MAP4: variants seen among roughly 807,000 people sequenced by gnomAD.
MAP4 encodes microtubule-associated protein 4.
Under a neutral mutation model 170.2 loss-of-function variants are expected in MAP4, and 76 were observed. That is an observed-to-expected ratio of 0.45 (90% CI 0.37 to 0.54). The LOEUF (loss-of-function observed/expected upper bound fraction) is 0.54. Among genes scored for constraint, MAP4 ranks in the 20% least tolerant of loss-of-function variants. MAP4 has a pLI of 0.00. For synonymous variants in MAP4, 909 were observed against 994.5 expected (o/e 0.91, Z 1.62); for missense variants, 2,506 against 2,748.0 (o/e 0.91, Z 1.97).
At chr3:48,040,561 G>A (rs1005644587) in intron 1 of MAP4, among the ~76,000 whole-genome samples, 4 of 146,998 alleles carry the variant, frequency 2.7e-5, no homozygotes, top group African/African-American at 7.6e-5. Flanking sequence ...GAGCCACCGC[G>A]CCCAGCCTAT....
chr3:48,044,288 G>A (rs936359493), intron 1 of MAP4, among the ~76,000 whole-genome samples: 7 of 150,648 alleles, frequency 4.6e-5, no homozygotes, highest in African/African-American at 7.3e-5. Flanking sequence ...CCGAGTAGCT[G>A]GGACTACAGG....
chr3:48,078,088 T>C (rs1490956591), intron 1 of MAP4, among the ~76,000 whole-genome samples: 1 of 152,172 alleles, frequency 6.6e-6, no homozygotes, highest in East Asian at 1.9e-4. Flanking sequence ...GTTCTGGACT[T>C]AGATAATGGT....
intron 10 of MAP4, among the ~76,000 whole-genome samples, chr3:47,886,381 G>T (rs573414926): frequency 6.6e-6 from 1 of 152,238 alleles, no homozygotes; most frequent in African/African-American, 2.4e-5. Context: ...GCTCACTGCA[G>T]CCTTGTCCTT....
Position 47,852,717 on chromosome 3 carries a change from TG to T in MAP4, c.*216del. On this transcript the variant is annotated 3_prime_UTR_variant, in exon 21 of 21. Transcript: ENST00000683076. ...AGGAGGTGTGGGGCAGGGCTGCTGC[TG>T]CCCCGGGCACGCAAAGCAGGAGGGA... is the stretch of plus-strand genomic sequence containing the variant. The T allele has an allele frequency of 6.6e-7, 1 of 1,510,046 alleles. No homozygotes were observed. The highest frequency in any genetic ancestry group is 2.5e-5 in the East Asian group (1 of 40,670). 93.5% of individuals were successfully genotyped at this position (1,510,046 alleles called of 1,614,324 possible). A position where few individuals can be genotyped will look rare whatever the true frequency, so the allele number is the denominator to read the frequency against.
chr3:47,960,165 A>G (rs2100070731), intron 3 of MAP4, among the ~76,000 whole-genome samples: 1 of 152,156 alleles, frequency 6.6e-6, no homozygotes, highest in Non-Finnish European at 1.5e-5. Flanking sequence ...GCCCGGGCAG[A>G]GTTATGCCCA....
Position 47,928,341 on chromosome 3 carries a change from G to A in MAP4, c.302C>T (p.Thr101Ile). The A allele has an allele frequency of 6.2e-7, 1 of 1,614,050 alleles. No individual in the cohort carries two copies. Among genetic ancestry groups the A allele is most frequent in the Non-Finnish European group, 8.5e-7 (1 of 1,179,942 alleles). Residue 101 changes from threonine to isoleucine, a missense_variant, in exon 4 of 21, where the codon ACT becomes ATT. Physicochemically the swap from Thr to Ile is moderately conservative, Grantham distance 89. Coordinates refer to ENST00000683076, the MANE Select transcript of MAP4 (RefSeq NM_001385682.1). ...GGCCATTTTCTCTTCAAGGAATTCA[G>A]TTGGAGACCCTTAAAATAGAGACAC... is the stretch of plus-strand genomic sequence containing the variant. ...VEGSDTTGSPTEFLEEKMAYQ... is the reference protein window; with the variant it reads ...VEGSDTTGSPIEFLEEKMAYQ...
At position 47,916,046 on chromosome 3, in the gene MAP4, A is replaced by G. The variant is rs745719549; in HGVS notation, c.1781T>C (p.Ile594Thr). Residue 594 changes from isoleucine (I) to threonine (T), a missense_variant, in exon 7 of 21, where the codon ATT (isoleucine) becomes ACT (threonine). By Grantham distance (89) the Ile-to-Thr change is moderately conservative (BLOSUM62 -1). Around this residue, in one of 3 missense-constraint regions of MAP4, gnomAD observed 2,008 missense variants for 2,206.0 expected, o/e 0.91. Coordinates refer to ENST00000683076, the MANE Select transcript of MAP4 (RefSeq NM_001385682.1). ...ACTTATTCCTTTTTGTGTTTGTGCAATTTCCATGTCTTTAATTGGAACTGG... is the reference window on the plus strand; with the variant it reads ...ACTTATTCCTTTTTGTGTTTGTGCAGTTTCCATGTCTTTAATTGGAACTGG... The part of the protein sequence containing the change: ...ATPVPIKDME[I>T]AQTQKGISED... 1.1e-5 allele frequency: 18 copies of G among 1,614,100 alleles called. No homozygotes were observed. Among genetic ancestry groups the G allele is most frequent in the Non-Finnish European group, 1.4e-5 (17 of 1,180,044 alleles).
At chr3:47,898,303 A>C (rs976551496) in intron 10 of MAP4, among the ~76,000 whole-genome samples, 1 of 152,052 alleles carries the variant, frequency 6.6e-6, no homozygotes, top group Non-Finnish European at 1.5e-5. Flanking sequence ...AGAGATCGAG[A>C]CCATCCTGGC....
intron 1 of MAP4, among the ~76,000 whole-genome samples, chr3:48,087,430 C>T (rs561853301): frequency 1.3e-5 from 2 of 152,228 alleles, no homozygotes; most frequent in South Asian, 4.1e-4. Flanking sequence ...CTCTTTGAAT[C>T]TCTTTGGGCT....
At position 48,069,247 on chromosome 3, in the gene MAP4, A is replaced by G. The variant is rs549789756; in HGVS notation, c.-20+19526T>C. Reference sequence around the variant, plus strand: ...CCATTGAAAACATCAATGCTTCACCAATTCCATATACACAAAAATTATTTT... The same window carrying G: ...CCATTGAAAACATCAATGCTTCACCGATTCCATATACACAAAAATTATTTT... On this transcript the variant is annotated intron_variant, in intron 1 of 18. Transcript: ENST00000360240. Among the ~76,000 whole-genome samples, 3 of 152,326 alleles carry G rather than the reference A, an allele frequency of 2.0e-5. 1 individual carries two copies. In the East Asian group the frequency reaches 5.8e-4, roughly 29 times the overall value.
chr3:47,980,227 AGACTATATAGATCAATTTGGGGATT>A lies in MAP4; in HGVS notation c.224-2319_224-2295del, dbSNP rs1351269176. Among the ~76,000 whole-genome samples the A allele has an allele frequency of 2.6e-5, 4 of 152,282 alleles. No homozygotes were observed. In the South Asian group the frequency reaches 8.3e-4, roughly 32 times the overall value. On this transcript the variant is annotated intron_variant, in intron 2 of 20. Coordinates refer to ENST00000683076, the MANE Select transcript of MAP4 (RefSeq NM_001385682.1). ...GGGATCTTATATGCAATTGCATATA[AGACTATATAGATCAATTTGGGGATT>A]GACTATATAGATCAATTTGGGGATG...
intron 3 of MAP4, among the ~76,000 whole-genome samples, chr3:47,936,201 G>A (rs1242415360): frequency 6.6e-6 from 1 of 151,822 alleles, no homozygotes; most frequent in East Asian, 1.9e-4. Flanking sequence ...TTGAGAGGCT[G>A]AGGTGGTGGA....
At chr3:47,864,836 C>G (rs908272464) in intron 17 of MAP4, among the ~76,000 whole-genome samples, 1 of 152,310 alleles carries the variant, frequency 6.6e-6, no homozygotes, top group African/African-American at 2.4e-5. Flanking sequence ...CACTGCACTC[C>G]AGGCTGGGCG....
Position 48,043,234 on chromosome 3 carries a change from G to A in MAP4, c.-19-44355C>T, listed in dbSNP as rs550914829. ...TTGTGCCTCAGCCTCCCAAGTAGCCGGGATTACAGGCACGTGTCGCCATGC... is the reference window on the plus strand; with the variant it reads ...TTGTGCCTCAGCCTCCCAAGTAGCCAGGATTACAGGCACGTGTCGCCATGC... On this transcript the variant is annotated intron_variant, in intron 1 of 18. Coordinates refer to the MAP4 transcript ENST00000360240. Among the ~76,000 whole-genome samples the A allele has an allele frequency of 4.3e-4, 65 of 152,264 alleles. No individual in the cohort carries two copies. In the South Asian group the frequency reaches 0.01, roughly 24 times the overall value.
intron 4 of MAP4, among the ~76,000 whole-genome samples, chr3:47,926,853 T>C (rs2100046281): frequency 1.3e-5 from 2 of 152,086 alleles, no homozygotes; most frequent in Non-Finnish European, 2.9e-5. Context: ...ATACTTTAAA[T>C]GGGTAAACTG....
chr3:48,030,815 A>G (rs2100115687), intron 1 of MAP4, among the ~76,000 whole-genome samples: 1 of 151,002 alleles, frequency 6.6e-6, no homozygotes, highest in South Asian at 2.1e-4. Context: ...AAAAAAAAAA[A>G]AAAAAAAAAG....
At chr3:48,080,791 T>C (rs2100146237) in intron 1 of MAP4, among the ~76,000 whole-genome samples, 1 of 151,996 alleles carries the variant, frequency 6.6e-6, no homozygotes, top group South Asian at 2.1e-4. Context: ...CCATCCTGGC[T>C]AACATGGGGA....
intron 2 of MAP4, among the ~76,000 whole-genome samples, chr3:47,991,643 G>C (rs1224482531): frequency 6.6e-6 from 1 of 152,102 alleles, no homozygotes; most frequent in East Asian, 1.9e-4. Flanking sequence ...CTCCAGCCTA[G>C]GTGACATGGA....
At chr3:47,988,845 C>T (rs1202689533) in intron 2 of MAP4, among the ~76,000 whole-genome samples, 4 of 151,916 alleles carry the variant, frequency 2.6e-5, no homozygotes, top group Non-Finnish European at 1.5e-5. Flanking sequence ...GACGGAGTCT[C>T]GCTGTCGCCC....
Sources: gnomAD v4.1 joint callset for allele counts (sites outside exome capture counted in the v4.1 genomes callset) on GRCh38, gnomAD v4.1.1 for gene constraint, gnomAD v4.1.1 regional missense constraint, MANE v1.5 for transcripts, NCBI Gene and HGNC (gene_info 2026-07-23, HGNC 2026-07-21) for gene names.